Variants in CUL4A observed in about 807,000 individuals in gnomAD.
CUL4A encodes the protein cullin-4A.
Under a neutral mutation model 95.5 loss-of-function variants are expected in CUL4A, and 16 were observed. The ratio of observed to expected loss-of-function variants is 0.17; its 90% CI spans 0.11 to 0.25. The LOEUF is 0.25. Among genes scored for constraint, CUL4A ranks in the 10% least tolerant of loss-of-function variants. The probability of loss-of-function intolerance (pLI) is 1.00; values close to 1 mark genes in which losing one functional copy is unlikely to be tolerated. For synonymous variants in CUL4A, 380 were observed against 353.1 expected, an observed-to-expected ratio of 1.08 and a Z score of -0.85; for missense variants, 610 against 937.0, an observed-to-expected ratio of 0.65 and a Z score of 4.56.
chr13:113,261,786 GT>G (rs1284625603), intron 19 of CUL4A, among the ~76,000 whole-genome samples: 23 of 150,320 alleles, frequency 1.5e-4, no homozygotes, highest in African/African-American at 5.4e-4. Flanking sequence ...GGGTAGTTGG[GT>G]TTTTTTTTTC....
Position 113,218,941 on chromosome 13 carries a change from G to A in CUL4A, c.265-4G>A. ...AAGAATTGATGTAGCCCTTTTGTTTGCAGGCTGTGGAAAATCTCTGTTCTC... is the reference window on the plus strand; with the variant it reads ...AAGAATTGATGTAGCCCTTTTGTTTACAGGCTGTGGAAAATCTCTGTTCTC... On this transcript the variant is annotated splice_region_variant and splice_polypyrimidine_tract_variant and intron_variant, in intron 2 of 19. Coordinates refer to ENST00000375440, the MANE Select transcript of CUL4A (RefSeq NM_001008895.4). 1 of 1,603,120 alleles carries A rather than the reference G, an allele frequency of 6.2e-7. No individual in the cohort carries two copies. Among genetic ancestry groups the A allele is most frequent in the Non-Finnish European group, 8.5e-7 (1 of 1,173,590 alleles).
intron 2 of CUL4A, among the ~76,000 whole-genome samples, chr13:113,211,638 G>A (rs1438846568): frequency 6.6e-6 from 1 of 152,202 alleles, no homozygotes; most frequent in Non-Finnish European, 1.5e-5. Flanking sequence ...ACCCACCTCG[G>A]TCTCTCAAAG....
chr13:113,210,597 C>T (rs561077880), intron 2 of CUL4A, among the ~76,000 whole-genome samples: 109 of 152,312 alleles, frequency 7.2e-4, no homozygotes, highest in African/African-American at 2.5e-3. Context: ...GATTTGGTAG[C>T]ATTTAATTCA....
intron 11 of CUL4A, among the ~76,000 whole-genome samples, chr13:113,243,619 C>A (rs1162068130): frequency 6.7e-6 from 1 of 150,344 alleles, no homozygotes; most frequent in Non-Finnish European, 1.5e-5. Context: ...AGAAAGGGGG[C>A]AAAGAGAGCT....
intron 1 of CUL4A, 36 bp downstream of exon 1, chr13:113,209,811 CG>C (rs1444721579): frequency 2.6e-6 from 3 of 1,164,314 alleles, no homozygotes; most frequent in Non-Finnish European, 3.2e-6. Context: ...CCAGGCGCCC[CG>C]GGCGGGGACC....
chr13:113,213,903 CAG>C (rs1019417338), intron 2 of CUL4A, among the ~76,000 whole-genome samples: 2 of 152,242 alleles, frequency 1.3e-5, no homozygotes, highest in Non-Finnish European at 2.9e-5. Context: ...TGGCCTCTCA[CAG>C]AGTCTGAAGC....
chr13:113,245,371 G>A (rs2041829370), intron 14 of CUL4A, 134 bp downstream of exon 14: 2 of 764,020 alleles, frequency 2.6e-6, no homozygotes, highest in Non-Finnish European at 4.3e-6. Context: ...AAACTACCCT[G>A]ATCAACATAG....
chr13:113,251,098 A>G (rs984688455), intron 15 of CUL4A, among the ~76,000 whole-genome samples: 15 of 152,296 alleles, frequency 9.8e-5, no homozygotes, highest in African/African-American at 3.6e-4. Context: ...CAGTGCTGCA[A>G]TGGGGAGTCA....
At chr13:113,252,607 G>C (rs1372195983) in intron 15 of CUL4A, among the ~76,000 whole-genome samples, 4 of 152,254 alleles carry the variant, frequency 2.6e-5, no homozygotes, top group African/African-American at 9.6e-5. Context: ...TGCAGGCCCA[G>C]ATGGAGGTGT....
chr13:113,254,875 T>G (rs920133629), intron 17 of CUL4A, 77 bp downstream of exon 17: 3 of 1,591,880 alleles, frequency 1.9e-6, no homozygotes, highest in Non-Finnish European at 2.6e-6. Flanking sequence ...GACATAGACT[T>G]GGTAGCATGA....
At chr13:113,212,367 G>A (rs1481270816) in intron 2 of CUL4A, among the ~76,000 whole-genome samples, 2 of 152,176 alleles carry the variant, frequency 1.3e-5, no homozygotes, top group Non-Finnish European at 2.9e-5. Flanking sequence ...AAGAAATCTT[G>A]CTTAATCTGA....
chr13:113,231,770 C>T (rs1403686687), intron 5 of CUL4A, among the ~76,000 whole-genome samples: 1 of 152,162 alleles, frequency 6.6e-6, no homozygotes, highest in Admixed American at 6.5e-5. Flanking sequence ...GGCCACTGCA[C>T]CTTCCTGCTC....
At position 113,234,969 on chromosome 13, in the gene CUL4A, A is replaced by C. The variant is rs969592812; in HGVS notation, c.766-94A>C. The C allele has an allele frequency of 7.1e-5, 66 of 926,564 alleles. No individual in the cohort carries two copies. The African/African-American group carries it at 8.8e-4, about 12-fold the overall frequency. The allele number at this position is 926,564 out of a possible 1,614,324, so 57.4% of individuals were successfully genotyped here. On this transcript the variant is annotated intron_variant, in intron 7 of 19. Transcript: ENST00000375440. ...GCTTGAATATGTATTCTGCTTTTTA[A>C]AAAAATTACATGTAAGGAAAACAAA...
chr13:113,208,370 C>G, upstream of CUL4A: 1 of 1,434,222 alleles, frequency 7.0e-7, no homozygotes. Flanking sequence ...ACTCCGCGAT[C>G]CACGGACACC....
At chr13:113,214,266 G>A (rs948459233) in intron 2 of CUL4A, among the ~76,000 whole-genome samples, 2 of 152,206 alleles carry the variant, frequency 1.3e-5, no homozygotes, top group East Asian at 3.8e-4. Flanking sequence ...CCTGTAGTGT[G>A]TAGAGGAGAA....
chr13:113,245,880 C>A, intron 14 of CUL4A, 76 bp from the exon 15 acceptor site: 1 of 1,058,140 alleles, frequency 9.5e-7, no homozygotes, highest in Non-Finnish European at 1.4e-6. Flanking sequence ...TTGAAAATTA[C>A]ACGGTTTATT....
intron 4 of CUL4A, among the ~76,000 whole-genome samples, chr13:113,229,114 G>A (rs572264127): frequency 6.6e-5 from 10 of 152,162 alleles, no homozygotes; most frequent in Admixed American, 3.3e-4. Flanking sequence ...GCGAGACTCC[G>A]TCTCAAGACA....
chr13:113,260,974 C>G (rs947167186), intron 19 of CUL4A, among the ~76,000 whole-genome samples: 2 of 152,104 alleles, frequency 1.3e-5, no homozygotes, highest in Non-Finnish European at 2.9e-5. Context: ...ACTCTCCTTC[C>G]CAGGGATGGT....
chr13:113,232,424 C>T (rs2041387399), intron 5 of CUL4A, among the ~76,000 whole-genome samples: 2 of 151,050 alleles, frequency 1.3e-5, no homozygotes, highest in African/African-American at 2.5e-5. Context: ...ATTACTATTA[C>T]TGCCACCACC....
Sources: gnomAD v4.1 joint callset for allele counts (sites outside exome capture counted in the v4.1 genomes callset) on GRCh38, gnomAD v4.1.1 for gene constraint, MANE v1.5 for transcripts, NCBI Gene and HGNC (gene_info 2026-07-23, HGNC 2026-07-21) for gene names.